DNAJC10: variants seen among roughly 807,000 people sequenced by gnomAD.
DNAJC10 encodes DnaJ heat shock protein family (Hsp40) member C10.
DNAJC10 carries 101 observed loss-of-function variants against 115.0 expected under a neutral mutation model. The observed-to-expected ratio is 0.88, with a 90% CI of 0.75 to 1.04. The LOEUF (loss-of-function observed/expected upper bound fraction) is 1.04. DNAJC10 is among the 50% of genes least tolerant of loss of function. The pLI is 0.00. For missense variants in DNAJC10, 981 were observed against 928.8 expected (o/e 1.06, Z -0.73); for synonymous variants, 307 against 301.5 (o/e 1.02, Z -0.19).
chr2:182,733,090 T>C (rs1693493051), intron 10 of DNAJC10, among the ~76,000 whole-genome samples: 1 of 152,014 alleles, frequency 6.6e-6, no homozygotes, highest in Non-Finnish European at 1.5e-5. Flanking sequence ...GATTTATTAA[T>C]CATGTTATTT....
At chr2:182,733,033 T>A (rs1034844992) in intron 10 of DNAJC10, among the ~76,000 whole-genome samples, 1 of 151,922 alleles carries the variant, frequency 6.6e-6, no homozygotes, top group Non-Finnish European at 1.5e-5. Flanking sequence ...AATAATGTTA[T>A]GTTAGGTGTA....
chr2:182,726,008 G>T (rs1040589096), intron 5 of DNAJC10, among the ~76,000 whole-genome samples: 1 of 152,142 alleles, frequency 6.6e-6, no homozygotes, highest in Non-Finnish European at 1.5e-5. Flanking sequence ...TGATTCCTCT[G>T]ATGGATCCAG....
In DNAJC10 at chr2:182,759,318, C is replaced by G. The variant is rs776769402; in HGVS notation, c.2145+11C>G. ...GAGCTCTTGGCTAGGGTAAGTCATA[C>G]CTGTCTTAAATAAGTTGTAGCCACA... On this transcript the variant is annotated intron_variant, in intron 21 of 23. Transcript: ENST00000264065. 1.9e-6 allele frequency: 3 copies of G among 1,603,018 alleles called. No homozygotes were observed. Among genetic ancestry groups the G allele is most frequent in the African/African-American group, 2.7e-5 (2 of 74,284 alleles).
intron 12 of DNAJC10, 148 bp from the exon 13 acceptor site, chr2:182,741,095 A>G: frequency 1.7e-6 from 1 of 584,470 alleles, no homozygotes; most frequent in Non-Finnish European, 3.0e-6. Context: ...GTAAACTACA[A>G]AATAAGAGAA....
rs369640149 is a variant in DNAJC10 at position 182,762,170 on chromosome 2, A to AAG, written c.2146-503_2146-502dup. ...AGACTGCTGCTCAGGAAAAAAAAAAAAGAGAGAGAGCGTGAGAAGCACTAT... is the reference window on the plus strand; with the variant it reads ...AGACTGCTGCTCAGGAAAAAAAAAAAAGAGAGAGAGAGCGTGAGAAGCACTAT... On this transcript the variant is annotated intron_variant, in intron 21 of 23. Coordinates refer to ENST00000264065, the MANE Select transcript of DNAJC10 (RefSeq NM_018981.4). Among the ~76,000 whole-genome samples, 340 of 148,990 alleles carry AAG rather than the reference A, an allele frequency of 2.3e-3. 3 individuals carry two copies. Among genetic ancestry groups the AAG allele is most frequent in the African/African-American group, 6.7e-3 (271 of 40,576 alleles).
At chr2:182,759,895 T>TA (rs202119168) in intron 21 of DNAJC10, among the ~76,000 whole-genome samples, 6 of 149,260 alleles carry the variant, frequency 4.0e-5, no homozygotes, top group Middle Eastern at 3.4e-3. Context: ...TGCAATTGCT[T>TA]AAAAAAAAAA....
At position 182,790,134 on chromosome 2, in the gene DNAJC10, C is replaced by T. The variant is rs1695023099; in HGVS notation, c.*13002C>T. ...GATTTCTGAATTTCTAAAAGTTCCT[C>T]ATTGTCTACCACAAAACTAAGTATT... is the stretch of plus-strand genomic sequence containing the variant. On this transcript the variant is annotated 3_prime_UTR_variant, in exon 24 of 24. Transcript: ENST00000264065. 6.6e-6 allele frequency: 1 copy of T among 152,196 alleles called. No individual in the cohort carries two copies. Among genetic ancestry groups the T allele is most frequent in the South Asian group, 2.1e-4 (1 of 4,834 alleles). 9.4% of individuals were successfully genotyped at this position (152,196 alleles called of 1,614,324 possible). A position where few individuals can be genotyped will look rare whatever the true frequency, so the allele number is the denominator to read the frequency against.
intron 5 of DNAJC10, among the ~76,000 whole-genome samples, chr2:182,725,872 G>A (rs975029744): frequency 1.3e-5 from 2 of 152,146 alleles, no homozygotes; most frequent in Admixed American, 1.3e-4. Context: ...GATGCTATCT[G>A]GGACTTTTTT....
Position 182,794,034 on chromosome 2 carries a change from G to A in DNAJC10, c.*16902G>A, listed in dbSNP as rs978862580. ...GCAGATGATAAATATATTTTTAGGT[G>A]GTTAGGTGATGAAACACCTCCTCCA... On this transcript the variant is annotated 3_prime_UTR_variant, in exon 24 of 24. Coordinates refer to ENST00000264065, the MANE Select transcript of DNAJC10 (RefSeq NM_018981.4). 16 of 152,188 alleles carry A rather than the reference G, an allele frequency of 1.1e-4. No individual in the cohort carries two copies. The highest frequency in any genetic ancestry group is 3.6e-4 in the African/African-American group (15 of 41,538). The allele number at this position is 152,188 out of a possible 1,614,324, so 9.4% of individuals were successfully genotyped here. A position where few individuals can be genotyped will look rare whatever the true frequency, so the allele number is the denominator to read the frequency against.
chr2:182,722,217 T>C, intron 5 of DNAJC10, 142 bp downstream of exon 5: 2 of 566,426 alleles, frequency 3.5e-6, no homozygotes, highest in East Asian at 3.4e-5. Context: ...CTTAAATATT[T>C]CTAGCAGAAT....
chr2:182,767,388 A>C (rs533408865), intron 22 of DNAJC10, among the ~76,000 whole-genome samples: 10 of 152,264 alleles, frequency 6.6e-5, no homozygotes, highest in African/African-American at 2.4e-4. Flanking sequence ...AGTGCACTGG[A>C]TAGCCTTAAG....
chr2:182,769,684 A>G (rs1169069963), intron 22 of DNAJC10, among the ~76,000 whole-genome samples: 1 of 151,046 alleles, frequency 6.6e-6, no homozygotes, highest in Admixed American at 6.6e-5. Context: ...TTTTTATTGT[A>G]AATTTGTTTG....
At chr2:182,765,832 A>G (rs911260023) in intron 22 of DNAJC10, among the ~76,000 whole-genome samples, 3 of 152,250 alleles carry the variant, frequency 2.0e-5, no homozygotes, top group Admixed American at 6.5e-5. Flanking sequence ...GTTGCAATGC[A>G]TATGCAAATC....
chr2:182,729,864 A>G lies in DNAJC10; in HGVS notation c.650A>G (p.His217Arg). ...AACCAATAGGCCCCAGTGAAATATCATGGAGACAGATCAAAGGAGAGTTTA... is the reference window on the plus strand; with the variant it reads ...AACCAATAGGCCCCAGTGAAATATCGTGGAGACAGATCAAAGGAGAGTTTA... ...FRSGMAPVKY[H>R]GDRSKESLVS... The change falls in exon 8 of 24, where the codon CAT becomes CGT. Residue 217 changes from histidine (H) to arginine (R), a missense_variant. By Grantham distance (29) the His-to-Arg change is conservative. Transcript: ENST00000264065. 6.2e-7 allele frequency: 1 copy of G among 1,607,970 alleles called. No homozygotes were observed. The highest frequency in any genetic ancestry group is 8.5e-7 in the Non-Finnish European group (1 of 1,177,266).
At chr2:182,747,438 G>A (rs1223628081) in intron 14 of DNAJC10, among the ~76,000 whole-genome samples, 1 of 141,854 alleles carries the variant, frequency 7.0e-6, no homozygotes, top group Non-Finnish European at 1.5e-5. Flanking sequence ...CCTTGAAGAG[G>A]TCCTTCACAT....
intron 10 of DNAJC10, among the ~76,000 whole-genome samples, chr2:182,733,982 T>G (rs939844322): frequency 2.6e-5 from 4 of 151,424 alleles, no homozygotes; most frequent in Non-Finnish European, 5.9e-5. Context: ...TTTCTGATCA[T>G]ATTTTGTGTG....
Position 182,718,265 on chromosome 2 carries a change from T to C in DNAJC10, c.179T>C (p.Leu60Ser). The change falls in exon 3 of 24, where the codon TTG becomes TCG. Residue 60 changes from leucine (L) to serine (S), a missense_variant. Transcript: ENST00000264065. ...AGACAAGCTTTCAAGAAATTGGCAT[T>C]GAAGTTACATCCTGATAAAAACCCG... Reference protein sequence around the residue: ...EIRQAFKKLALKLHPDKNPNN... With the variant: ...EIRQAFKKLASKLHPDKNPNN... 1 of 1,610,680 alleles carries C rather than the reference T, an allele frequency of 6.2e-7. No homozygotes were observed. The highest frequency in any genetic ancestry group is 1.3e-5 in the African/African-American group (1 of 74,988).
Position 182,757,874 on chromosome 2 carries a change from T to C in DNAJC10, c.1943+49T>C, listed in dbSNP as rs969510338. The C allele has an allele frequency of 3.6e-6, 4 of 1,116,562 alleles. No homozygotes were observed. The Admixed American group carries it at 1.0e-4, about 28-fold the overall frequency. 69.2% of individuals were successfully genotyped at this position (1,116,562 alleles called of 1,614,324 possible). ...GACATTTATTATAATTATTTAATTA[T>C]ACACTTAACAGTTAAGTTACCTGAA... On this transcript the variant is annotated intron_variant, in intron 19 of 23. Coordinates refer to ENST00000264065, the MANE Select transcript of DNAJC10 (RefSeq NM_018981.4).
chr2:182,770,337 T>G (rs932399853), intron 22 of DNAJC10, among the ~76,000 whole-genome samples: 1 of 152,234 alleles, frequency 6.6e-6, no homozygotes, highest in Non-Finnish European at 1.5e-5. Flanking sequence ...AGTAGTTTTT[T>G]TCAATTCTGT....
Sources: gnomAD v4.1 joint callset for allele counts (sites outside exome capture counted in the v4.1 genomes callset) on GRCh38, gnomAD v4.1.1 for gene constraint, MANE v1.5 for transcripts, NCBI Gene and HGNC (gene_info 2026-07-23, HGNC 2026-07-21) for gene names.